Variants in CAPN14 observed in about 807,000 individuals in gnomAD.
CAPN14 encodes the protein calpain-14.
In CAPN14, 94 loss-of-function variants were observed where a neutral mutation model predicts 101.3. That is an observed-to-expected ratio of 0.93 (90% CI 0.79 to 1.10). The LOEUF (loss-of-function observed/expected upper bound fraction) is 1.10, where lower values mean the gene tolerates loss of function less well. Among genes scored for constraint, CAPN14 ranks in the 50% least tolerant of loss-of-function variants. The pLI is 0.00. For synonymous variants in CAPN14, 338 were observed against 317.9 expected (o/e 1.06, Z -0.67); for missense variants, 837 against 828.4 (o/e 1.01, Z -0.13).
rs560564163 is a variant in CAPN14, at chr2:31,199,385, G to A, written c.789+85C>T. 1.2e-5 allele frequency: 14 copies of A among 1,188,176 alleles called. 1 individual carries two copies. In the South Asian group the frequency reaches 1.8e-4, roughly 16 times the overall value. 73.6% of individuals were successfully genotyped at this position (1,188,176 alleles called of 1,614,324 possible). A position where few individuals can be genotyped will look rare whatever the true frequency, so the allele number is the denominator to read the frequency against. On this transcript the variant is annotated intron_variant, in intron 7 of 21. Transcript: ENST00000403897. ...CTTTACCCACTCTCCAGATGGTACA[G>A]AAACTAAATCCACCAAGATAAGCTA...
chr2:31,183,740 G>A (rs1680766048), intron 16 of CAPN14, among the ~76,000 whole-genome samples: 1 of 152,008 alleles, frequency 6.6e-6, no homozygotes, highest in East Asian at 1.9e-4. Context: ...CTGTTGGTGG[G>A]ACTGTAAACT....
rs1572429131 is a variant in CAPN14, at chr2:31,208,441, A to C, written c.-52-2942T>G. On this transcript the variant is annotated intron_variant, in intron 1 of 21. Coordinates refer to ENST00000403897, the MANE Select transcript of CAPN14 (RefSeq NM_001145122.2). ...CCCTCCTTACCAAGTGCTGGGTCATACCTGGATTCCTCTTCAAGCCTGCAA... is the reference window on the plus strand; with the variant it reads ...CCCTCCTTACCAAGTGCTGGGTCATCCCTGGATTCCTCTTCAAGCCTGCAA... Among the ~76,000 whole-genome samples the C allele has an allele frequency of 3.3e-5, 5 of 152,136 alleles. No individual in the cohort carries two copies. In the South Asian group the frequency reaches 1.0e-3, roughly 31 times the overall value.
At chr2:31,206,763 A>G (rs1294760909) in intron 1 of CAPN14, among the ~76,000 whole-genome samples, 1 of 152,194 alleles carries the variant, frequency 6.6e-6, no homozygotes, top group Non-Finnish European at 1.5e-5. Context: ...CAGGTTGGCT[A>G]CACAATATAG....
At chr2:31,217,310 C>T (rs1161374804) in intron 1 of CAPN14, 146 bp downstream of exon 1, 1 of 152,100 alleles carries the variant, frequency 6.6e-6, no homozygotes, top group African/African-American at 2.4e-5. Flanking sequence ...CTCCAGACTC[C>T]AGGGTTTTTT....
chr2:31,209,777 C>G (rs1682294230), intron 1 of CAPN14, among the ~76,000 whole-genome samples: 1 of 152,160 alleles, frequency 6.6e-6, no homozygotes, highest in South Asian at 2.1e-4. Context: ...CTTCTCAAGT[C>G]TGTATTCCAT....
Position 31,174,059 on chromosome 2 carries a change from G to A in CAPN14, c.*622C>T, listed in dbSNP as rs1680180319. On this transcript the variant is annotated 3_prime_UTR_variant, in exon 22 of 22. Transcript: ENST00000403897. ...GTTGCCCCAGATCCAATCATACGGAGATATTGTCAGAAGAAGACTACCCCA... is the reference window on the plus strand; with the variant it reads ...GTTGCCCCAGATCCAATCATACGGAAATATTGTCAGAAGAAGACTACCCCA... The A allele has an allele frequency of 6.5e-6, 1 of 152,930 alleles. No individual in the cohort carries two copies. Among genetic ancestry groups the A allele is most frequent in the South Asian group, 2.1e-4 (1 of 4,836 alleles). The allele number at this position is 152,930 out of a possible 1,614,324, so 9.5% of individuals were successfully genotyped here.
intron 1 of CAPN14, chr2:31,226,678 G>C (rs1453855667): frequency 6.6e-6 from 1 of 152,122 alleles, no homozygotes; most frequent in Admixed American, 6.5e-5. Flanking sequence ...GATATATTTG[G>C]GTTTGGAACT....
chr2:31,203,003 C>G, intron 3 of CAPN14, 67 bp downstream of exon 3: 1 of 1,365,970 alleles, frequency 7.3e-7, no homozygotes, highest in South Asian at 1.3e-5. Context: ...TTATCAACCA[C>G]TCTGTCTTGG....
At position 31,206,967 on chromosome 2, in the gene CAPN14, G is replaced by A. The variant is rs35449917; in HGVS notation, c.-52-1468C>T. On this transcript the variant is annotated intron_variant, in intron 1 of 21. Transcript: ENST00000403897. Reference sequence around the variant, plus strand: ...CTTACAGTTTAGAGGGTGGGAGAGCGAGAAGGGTTAAATGATCTTCCTGGT... The same window carrying A: ...CTTACAGTTTAGAGGGTGGGAGAGCAAGAAGGGTTAAATGATCTTCCTGGT... Among the ~76,000 whole-genome samples the A allele has an allele frequency of 6.6e-3, 998 of 152,228 alleles. 4 individuals are homozygous for A. The highest frequency in any genetic ancestry group is 0.01 in the Non-Finnish European group (694 of 68,002).
At chr2:31,196,909 A>G (rs182940707) in intron 8 of CAPN14, among the ~76,000 whole-genome samples, 78 of 152,340 alleles carry the variant, frequency 5.1e-4, no homozygotes, top group Admixed American at 4.8e-3. Flanking sequence ...TAGGCAATTC[A>G]ATTAATCCAA....
At chr2:31,177,911 G>A (rs1680391757) in intron 18 of CAPN14, 90 bp from the exon 19 acceptor site, 2 of 908,248 alleles carry the variant, frequency 2.2e-6, no homozygotes, top group South Asian at 2.9e-5. Context: ...CACCGCAGAG[G>A]GGCTGTTGAA....
chr2:31,197,236 C>T lies in CAPN14; in HGVS notation c.875+13G>A. The T allele has an allele frequency of 6.5e-7, 1 of 1,543,276 alleles. No homozygotes were observed. Among genetic ancestry groups the T allele is most frequent in the East Asian group, 2.4e-5 (1 of 40,878 alleles). On this transcript the variant is annotated intron_variant, in intron 8 of 21. Coordinates refer to ENST00000403897, the MANE Select transcript of CAPN14 (RefSeq NM_001145122.2). ...ACCTGTTCTCACCCCTCCAAGATGT[C>T]CCCAAAGTTCACCTGTCACTCCAGT...
intron 1 of CAPN14, among the ~76,000 whole-genome samples, chr2:31,231,751 T>C (rs983441661): frequency 6.6e-6 from 1 of 152,152 alleles, no homozygotes; most frequent in African/African-American, 2.4e-5. Flanking sequence ...ACGCTGGCCA[T>C]ACTGACCTCT....
At chr2:31,188,216 T>C (rs1200652552) in intron 14 of CAPN14, 102 bp downstream of exon 14, 1 of 987,718 alleles carries the variant, frequency 1.0e-6, no homozygotes, top group African/African-American at 1.6e-5. Context: ...TCTGTAAGGA[T>C]CCGCATATCT....
At chr2:31,226,956 T>C (rs1402565948) in intron 1 of CAPN14, among the ~76,000 whole-genome samples, 1 of 152,234 alleles carries the variant, frequency 6.6e-6, no homozygotes, top group Non-Finnish European at 1.5e-5. Context: ...GGCAGTTTCC[T>C]ACCTCTCTGC....
intron 18 of CAPN14, among the ~76,000 whole-genome samples, chr2:31,178,203 A>C (rs147666180): frequency 1.3e-5 from 2 of 152,304 alleles, no homozygotes; most frequent in East Asian, 3.9e-4. Context: ...CAAATTTATG[A>C]AAGACTTTAA....
intron 15 of CAPN14, among the ~76,000 whole-genome samples, chr2:31,187,004 A>G (rs1680929784): frequency 6.6e-6 from 1 of 152,216 alleles, no homozygotes; most frequent in African/African-American, 2.4e-5. Context: ...TACATATAAG[A>G]TTCTGATTTA....
At chr2:31,208,140 A>C (rs145322310) in intron 1 of CAPN14, among the ~76,000 whole-genome samples, 1 of 152,002 alleles carries the variant, frequency 6.6e-6, no homozygotes, top group East Asian at 1.9e-4. Flanking sequence ...GCTGTTACTC[A>C]GGTCTTTTAT....
intron 20 of CAPN14, 94 bp from the exon 21 acceptor site, chr2:31,176,736 A>G: frequency 1.7e-6 from 2 of 1,206,774 alleles, no homozygotes; most frequent in Non-Finnish European, 2.4e-6. Context: ...AACCACATCC[A>G]TTCTGAAAAC....
Sources: allele counts gnomAD v4.1 joint callset (sites outside exome capture counted in the v4.1 genomes callset), GRCh38; gene constraint gnomAD v4.1.1; transcripts MANE v1.5; gene names NCBI Gene and HGNC (gene_info 2026-07-23, HGNC 2026-07-21).